The following TAF10 variants were observed in gnomAD, a reference collection of about 807,000 sequenced individuals.
TAF10 encodes TATA-box binding protein associated factor 10, also known as transcription initiation factor TFIID subunit 10.
Under a neutral mutation model 18.1 loss-of-function variants are expected in TAF10, and 2 were observed. The ratio of observed to expected loss-of-function variants is 0.11; its 90% confidence interval spans 0.05 to 0.35. TAF10 has a LOEUF of 0.35. TAF10 is among the 10% of genes least tolerant of loss of function. The pLI is 1.00. For missense variants in TAF10, 293 were observed against 306.9 expected (o/e 0.95, Z 0.34); for synonymous variants, 158 against 134.6 (o/e 1.17, Z -1.20).
In TAF10 at chr11:6,611,464, AT is replaced by A. The variant is rs1403714809; in HGVS notation, c.388-13del. The A allele has an allele frequency of 2.5e-6, 4 of 1,613,988 alleles. No homozygotes were observed. The highest frequency in any genetic ancestry group is 1.3e-5 in the African/African-American group (1 of 74,942). On this transcript the variant is annotated splice_polypyrimidine_tract_variant and intron_variant, in intron 2 of 4. Coordinates refer to ENST00000299424, the MANE Select transcript of TAF10 (RefSeq NM_006284.4). ...ACTGCATCTGGGATCTGAGAAATCA[AT>A]TAAGAGAACTGTCAGCAGAGCGGGA... is the stretch of plus-strand genomic sequence containing the variant.
chr11:6,608,672 C>A lies in TAF10; in HGVS notation c.*2250G>T. 6.3e-7 allele frequency: 1 copy of A among 1,598,268 alleles called. No homozygotes were observed. Among genetic ancestry groups the A allele is most frequent in the Non-Finnish European group, 8.6e-7 (1 of 1,165,372 alleles). ...CCAGCGAGGTAGCAGTGGCTCTCAT[C>A]ATAATGGCCTTTTCATTCCAGGACC... On this transcript the variant is annotated 3_prime_UTR_variant, in exon 5 of 5. Coordinates refer to ENST00000299424, the MANE Select transcript of TAF10 (RefSeq NM_006284.4). This position sits in a 1 kb window ranked among gnomAD's most constrained non-coding sequence, Gnocchi z 4.9.
chr11:6,612,022 T>C lies in TAF10; in HGVS notation c.168A>G (p.Ala56=). The change falls in exon 1 of 5, where the codon GCA becomes GCG. Residue 56 remains alanine, a synonymous_variant. Transcript: ENST00000299424. ...AGTAGGPGAG[A]AAGGTGPLAA... ...CCAAGGGTCCCGTGCCCCCAGCAGC[T>C]GCTCCAGCCCCAGGTCCCCCCGCTG... The C allele has an allele frequency of 6.5e-7, 1 of 1,528,222 alleles. No homozygotes were observed. Among genetic ancestry groups the C allele is most frequent in the Non-Finnish European group, 8.7e-7 (1 of 1,145,318 alleles). The allele number at this position is 1,528,222 out of a possible 1,614,324, so 94.7% of individuals were successfully genotyped here.
Position 6,612,180 on chromosome 11 carries a change from T to C in TAF10, c.10A>G (p.Ser4Gly), listed in dbSNP as rs1295821705. MSC[S>G]GSGADPEAAP... ...GCCTCGGGGTCCGCGCCGGAGCCGC[T>C]GCAGCTCATCGGGCCGGTGGGAGAG... Residue 4 changes from serine (S) to glycine (G), a missense_variant, in exon 1 of 5, where the codon AGC becomes GGC. Ser to Gly is a moderately conservative substitution (Grantham distance 56, BLOSUM62 0). Coordinates refer to ENST00000299424, the MANE Select transcript of TAF10 (RefSeq NM_006284.4). The C allele has an allele frequency of 1.7e-6, 2 of 1,212,060 alleles. No individual in the cohort carries two copies. The highest frequency in any genetic ancestry group is 1.6e-5 in the African/African-American group (1 of 62,364). The allele number at this position is 1,212,060 out of a possible 1,614,324, so 75.1% of individuals were successfully genotyped here.
At position 6,610,602 on chromosome 11, in the gene TAF10, G is replaced by C. The variant is rs767862990; in HGVS notation, c.*320C>G. 2.5e-6 allele frequency: 4 copies of C among 1,614,214 alleles called. No individual in the cohort carries two copies. Among genetic ancestry groups the C allele is most frequent in the Non-Finnish European group, 2.5e-6 (3 of 1,180,038 alleles). On this transcript the variant is annotated 3_prime_UTR_variant, in exon 5 of 5. Coordinates refer to ENST00000299424, the MANE Select transcript of TAF10 (RefSeq NM_006284.4). ...TTGTGCCTATCCTTGAGAAGATGCA[G>C]GACAAGTAGGACTGGAAGGTCCTTG... is the stretch of plus-strand genomic sequence containing the variant.
Position 6,609,142 on chromosome 11 carries a change from A to C in TAF10, c.*1780T>G. ...TAACTTCCTGACGAAGCTCAACGAGAATCACTCTGGAGAGGTGACCCCTGC... is the reference window on the plus strand; with the variant it reads ...TAACTTCCTGACGAAGCTCAACGAGCATCACTCTGGAGAGGTGACCCCTGC... On this transcript the variant is annotated 3_prime_UTR_variant, in exon 5 of 5. Transcript: ENST00000299424. 1.2e-6 allele frequency: 2 copies of C among 1,614,046 alleles called. No individual in the cohort carries two copies. The highest frequency in any genetic ancestry group is 8.5e-7 in the Non-Finnish European group (1 of 1,179,892).
chr11:6,608,643 A>C lies in TAF10; in HGVS notation c.*2279T>G. On this transcript the variant is annotated 3_prime_UTR_variant, in exon 5 of 5. Transcript: ENST00000299424. The surrounding 1 kb of genome is among the most constrained non-coding windows in gnomAD (Gnocchi z 4.9). Reference sequence around the variant, plus strand: ...TTGTGCATTCATGGTTGGTTCAGTGACTGCCAGCGAGGTAGCAGTGGCTCT... The same window carrying C: ...TTGTGCATTCATGGTTGGTTCAGTGCCTGCCAGCGAGGTAGCAGTGGCTCT... The C allele has an allele frequency of 6.7e-7, 1 of 1,493,830 alleles. No homozygotes were observed. Among genetic ancestry groups the C allele is most frequent in the Non-Finnish European group, 9.3e-7 (1 of 1,070,216 alleles). 92.5% of individuals were successfully genotyped at this position (1,493,830 alleles called of 1,614,324 possible).
Position 6,610,570 on chromosome 11 carries a change from G to C in TAF10, c.*352C>G. On this transcript the variant is annotated 3_prime_UTR_variant, in exon 5 of 5. Transcript: ENST00000299424. The stretch of plus-strand genomic sequence containing the variant: ...AGACCCTGCAAAGCGACCCAAATTT[G>C]ACATGATTGTGCCTATCCTTGAGAA... 1 of 1,614,210 alleles carries C rather than the reference G, an allele frequency of 6.2e-7. No homozygotes were observed. Among genetic ancestry groups the C allele is most frequent in the Non-Finnish European group, 8.5e-7 (1 of 1,180,038 alleles).
In TAF10 at chr11:6,607,938, C is replaced by T. The variant is rs2134550260; in HGVS notation, c.*2984G>A. The T allele has an allele frequency of 8.6e-7, 1 of 1,167,302 alleles. No individual in the cohort carries two copies. Among genetic ancestry groups the T allele is most frequent in the Non-Finnish European group, 1.2e-6 (1 of 801,068 alleles). The allele number at this position is 1,167,302 out of a possible 1,614,324, so 72.3% of individuals were successfully genotyped here. A position where few individuals can be genotyped will look rare whatever the true frequency, so the allele number is the denominator to read the frequency against. The stretch of plus-strand genomic sequence containing the variant: ...GCTGGCATGAATGAGAATCAAAGTC[C>T]TAGAGAGGTAAGCCTTCCCAGAGAG... On this transcript the variant is annotated 3_prime_UTR_variant, in exon 5 of 5. Coordinates refer to ENST00000299424, the MANE Select transcript of TAF10 (RefSeq NM_006284.4).
rs1472044057 is a variant in TAF10, at chr11:6,608,837, C to T, written c.*2085G>A. 6.2e-7 allele frequency: 1 copy of T among 1,612,458 alleles called. No homozygotes were observed. The highest frequency in any genetic ancestry group is 1.7e-5 in the Admixed American group (1 of 60,024). On this transcript the variant is annotated 3_prime_UTR_variant, in exon 5 of 5. Transcript: ENST00000299424. The surrounding 1 kb of genome is among the most constrained non-coding windows in gnomAD (Gnocchi z 4.9). ...CTTGTGTCCTCTCGTCCCTTCCCAC[C>T]TGTCTTCTCCCTCTGTACCACAGCT... is the stretch of plus-strand genomic sequence containing the variant.
In TAF10 at chr11:6,609,808, T is replaced by A. The variant is rs148581987; in HGVS notation, c.*1114A>T. On this transcript the variant is annotated 3_prime_UTR_variant, in exon 5 of 5. Coordinates refer to ENST00000299424, the MANE Select transcript of TAF10 (RefSeq NM_006284.4). ...GCCTTCCTACACACACTAGAGCCCC[T>A]CATCCCACGACATGCACTCAATAGC... 2 of 1,614,148 alleles carry A rather than the reference T, an allele frequency of 1.2e-6. No individual in the cohort carries two copies. The highest frequency in any genetic ancestry group is 1.7e-6 in the Non-Finnish European group (2 of 1,180,020).
rs754003418 is a variant in TAF10, at chr11:6,610,304, T to A, written c.*618A>T. The A allele has an allele frequency of 1.9e-6, 3 of 1,614,028 alleles. No individual in the cohort carries two copies. Among genetic ancestry groups the A allele is most frequent in the Non-Finnish European group, 2.5e-6 (3 of 1,180,026 alleles). On this transcript the variant is annotated 3_prime_UTR_variant, in exon 5 of 5. Transcript: ENST00000299424. ...GTGAGAGCACAACAGCATACATTTG[T>A]GTTGCGGGAGTGGTTGGTGATGGTG...
At position 6,609,222 on chromosome 11, in the gene TAF10, T is replaced by C. The variant is rs1370289049; in HGVS notation, c.*1700A>G. On this transcript the variant is annotated 3_prime_UTR_variant, in exon 5 of 5. Transcript: ENST00000299424. ...ATAAATTACTTGCTTTGTACCTGTT[T>C]TAAGTTTTTCCTCCAGTTAGTGGGC... 6.2e-7 allele frequency: 1 copy of C among 1,602,580 alleles called. No individual in the cohort carries two copies. The highest frequency in any genetic ancestry group is 8.5e-7 in the Non-Finnish European group (1 of 1,169,704).
At position 6,608,688 on chromosome 11, in the gene TAF10, T is replaced by C; in HGVS notation, c.*2234A>G. On this transcript the variant is annotated 3_prime_UTR_variant, in exon 5 of 5. Coordinates refer to ENST00000299424, the MANE Select transcript of TAF10 (RefSeq NM_006284.4). The surrounding 1 kb of genome is among the most constrained non-coding windows in gnomAD (Gnocchi z 4.9). ...GGCTCTCATCATAATGGCCTTTTCA[T>C]TCCAGGACCTGGTGGCAAATGGGGC... 6.2e-7 allele frequency: 1 copy of C among 1,612,944 alleles called. No homozygotes were observed. The highest frequency in any genetic ancestry group is 1.1e-5 in the South Asian group (1 of 91,066).
chr11:6,609,040 A>G lies in TAF10; in HGVS notation c.*1882T>C. ...GCCTCTTGGGGCTGGGTTAGGGTGAAGCTGGGTACCTGACCTGCCCACACT... is the reference window on the plus strand; with the variant it reads ...GCCTCTTGGGGCTGGGTTAGGGTGAGGCTGGGTACCTGACCTGCCCACACT... On this transcript the variant is annotated 3_prime_UTR_variant, in exon 5 of 5. Transcript: ENST00000299424. 1 of 1,612,304 alleles carries G rather than the reference A, an allele frequency of 6.2e-7. No homozygotes were observed. Among genetic ancestry groups the G allele is most frequent in the South Asian group, 1.1e-5 (1 of 91,052 alleles).
At chr11:6,611,627 C>CTGAA in intron 2 of TAF10, 37 bp downstream of exon 2, 1 of 1,575,250 alleles carries the variant, frequency 6.3e-7, no homozygotes, top group East Asian at 2.3e-5. Flanking sequence ...AAAGTTTTGA[C>CTGAA]AGCAGGCTAG....
Position 6,607,853 on chromosome 11 carries a change from T to C in TAF10, c.*3069A>G, listed in dbSNP as rs1855085312. On this transcript the variant is annotated 3_prime_UTR_variant, in exon 5 of 5. Transcript: ENST00000299424. ...TTTTTATAGAGGTTGTTGAGATATC[T>C]AGGTGGTTGGTTTGGTTTGAAGCTC... The C allele has an allele frequency of 1.6e-6, 1 of 606,174 alleles. No homozygotes were observed. Among genetic ancestry groups the C allele is most frequent in the Non-Finnish European group, 2.9e-6 (1 of 339,334 alleles). The allele number at this position is 606,174 out of a possible 1,614,324, so 37.5% of individuals were successfully genotyped here.
In TAF10 at chr11:6,608,618, T is replaced by C; in HGVS notation, c.*2304A>G. ...ACACTTACAGGATTAAGTTCTACAT[T>C]TGTGCATTCATGGTTGGTTCAGTGA... On this transcript the variant is annotated 3_prime_UTR_variant, in exon 5 of 5. Coordinates refer to ENST00000299424, the MANE Select transcript of TAF10 (RefSeq NM_006284.4). This position sits in a 1 kb window ranked among gnomAD's most constrained non-coding sequence, Gnocchi z 4.9. 7.3e-7 allele frequency: 1 copy of C among 1,378,146 alleles called. No homozygotes were observed. Among genetic ancestry groups the C allele is most frequent in the South Asian group, 1.2e-5 (1 of 86,234 alleles). The allele number at this position is 1,378,146 out of a possible 1,614,324, so 85.4% of individuals were successfully genotyped here.
rs1328683166 is a variant in TAF10 at position 6,611,508 on chromosome 11, G to C, written c.388-56C>G. 52 of 1,606,484 alleles carry C rather than the reference G, an allele frequency of 3.2e-5. No individual in the cohort carries two copies. The East Asian group carries it at 1.2e-3, about 36-fold the overall frequency. On this transcript the variant is annotated intron_variant, in intron 2 of 4. Transcript: ENST00000299424. ...GAGCGGGAGGAGGGTGAGGGAAATG[G>C]ATAGGCCTGATTATCAGGAAGCTCA...
Position 6,610,948 on chromosome 11 carries a change from C to T in TAF10, c.631G>A (p.Val211Met). 1.2e-6 allele frequency: 2 copies of T among 1,614,190 alleles called. No individual in the cohort carries two copies. The highest frequency in any genetic ancestry group is 1.7e-6 in the Non-Finnish European group (2 of 1,180,040). Residue 211 changes from valine to methionine, a missense_variant, in exon 5 of 5, where the codon GTG becomes ATG. Val to Met is a conservative substitution (Grantham distance 21). Coordinates refer to ENST00000299424, the MANE Select transcript of TAF10 (RefSeq NM_006284.4). ...CAGGTGAAGTAGTGCGGCTTCTTCACATTGATGCCATACTCGCTGAGGGCA... is the reference window on the plus strand; with the variant it reads ...CAGGTGAAGTAGTGCGGCTTCTTCATATTGATGCCATACTCGCTGAGGGCA... ...TPALSEYGIN[V>M]KKPHYFT
Sources: gnomAD v4.1 joint callset for allele counts on GRCh38, gnomAD v4.1.1 for gene constraint, Gnocchi (gnomAD v3.1) non-coding constraint, MANE v1.5 for transcripts, NCBI Gene and HGNC (gene_info 2026-07-23, HGNC 2026-07-21) for gene names.